The following SIPA1L3 variants were observed in gnomAD, a reference collection of about 807,000 sequenced individuals.
The protein encoded by SIPA1L3 is signal-induced proliferation-associated 1-like protein 3.
SIPA1L3 carries 59 observed loss-of-function variants against 150.1 expected under a neutral mutation model. The observed-to-expected ratio is 0.39, with a 90% CI of 0.32 to 0.49. The LOEUF is 0.49. SIPA1L3 is among the 20% of genes least tolerant of loss of function. SIPA1L3 has a pLI of 0.86. For synonymous variants in SIPA1L3, 1,070 were observed against 1,077.6 expected, an observed-to-expected ratio of 0.99 and a Z score of 0.14; for missense variants, 2,211 against 2,489.5, an observed-to-expected ratio of 0.89 and a Z score of 2.38.
intron 15 of SIPA1L3, among the ~76,000 whole-genome samples, chr19:38,169,126 C>A (rs140455246): frequency 6.6e-6 from 1 of 152,154 alleles, no homozygotes; most frequent in East Asian, 1.9e-4. Context: ...CAGTGGCTCA[C>A]GCCTGTAATC....
chr19:38,123,759 C>T (rs1186723927), intron 9 of SIPA1L3, among the ~76,000 whole-genome samples: 1 of 152,058 alleles, frequency 6.6e-6, no homozygotes, highest in South Asian at 2.1e-4. Context: ...CATCATGGCC[C>T]GTTCTCAATG....
chr19:38,169,746 C>T (rs2145995667), intron 15 of SIPA1L3, among the ~76,000 whole-genome samples: 1 of 152,356 alleles, frequency 6.6e-6, no homozygotes, highest in Non-Finnish European at 1.5e-5. Flanking sequence ...GGGGACACAG[C>T]GGTGACTGGG....
intron 2 of SIPA1L3, among the ~76,000 whole-genome samples, chr19:38,080,006 C>T (rs915872896): frequency 6.6e-6 from 1 of 152,150 alleles, no homozygotes; most frequent in East Asian, 1.9e-4. Flanking sequence ...TGGGGAGAGA[C>T]ATGGAAGCCA....
intron 2 of SIPA1L3, among the ~76,000 whole-genome samples, chr19:38,060,232 T>G (rs1969417565): frequency 6.6e-6 from 1 of 152,208 alleles, no homozygotes; most frequent in Non-Finnish European, 1.5e-5. Flanking sequence ...ACTGTATATG[T>G]TGTTCTGTCT....
At chr19:37,962,632 C>A (rs1352805105) in intron 1 of SIPA1L3, among the ~76,000 whole-genome samples, 2 of 152,052 alleles carry the variant, frequency 1.3e-5, no homozygotes, top group Non-Finnish European at 2.9e-5. Context: ...CCATGCCCAG[C>A]TTTGTGTGTT....
At chr19:37,924,986 T>G (rs2046490009) in intron 1 of SIPA1L3, among the ~76,000 whole-genome samples, 1 of 150,536 alleles carries the variant, frequency 6.6e-6, no homozygotes, top group Non-Finnish European at 1.5e-5. Context: ...GAGGCAGAGG[T>G]TGCAGTGAGC....
At chr19:37,990,233 C>T (rs563475225) in intron 1 of SIPA1L3, among the ~76,000 whole-genome samples, 2 of 152,260 alleles carry the variant, frequency 1.3e-5, no homozygotes, top group South Asian at 4.1e-4. Flanking sequence ...GACCAGATCA[C>T]CAGCTACCTG....
At chr19:38,135,001 T>C (rs1971402980) in intron 10 of SIPA1L3, among the ~76,000 whole-genome samples, 1 of 152,194 alleles carries the variant, frequency 6.6e-6, no homozygotes, top group African/African-American at 2.4e-5. Context: ...ACACCAGGGC[T>C]GGTGTGATCT....
At chr19:38,147,347 G>A (rs190922765) in intron 12 of SIPA1L3, among the ~76,000 whole-genome samples, 2,044 of 152,308 alleles carry the variant, frequency 0.013, 26 homozygotes, top group South Asian at 0.022. Context: ...TTATAGGCAT[G>A]AGCCACCACA....
At chr19:38,203,395 G>C (rs945995022) in intron 20 of SIPA1L3, among the ~76,000 whole-genome samples, 6 of 152,222 alleles carry the variant, frequency 3.9e-5, no homozygotes, top group Non-Finnish European at 7.3e-5. Context: ...CACCGCCTCT[G>C]TGCCTGTGCA....
At chr19:38,069,651 C>A (rs750770614) in intron 2 of SIPA1L3, among the ~76,000 whole-genome samples, 144 of 151,972 alleles carry the variant, frequency 9.5e-4, no homozygotes, top group East Asian at 3.9e-4. Context: ...TGGACAGATA[C>A]CTATATATTT....
At chr19:38,153,000 C>T (rs1176777233) in intron 13 of SIPA1L3, 33 bp downstream of exon 13, 29 of 1,604,634 alleles carry the variant, frequency 1.8e-5, no homozygotes, top group Non-Finnish European at 2.5e-5. Context: ...CGCCCACCCG[C>T]CTGCCTCACT....
chr19:38,004,256 A>G (rs1356506906), intron 1 of SIPA1L3, among the ~76,000 whole-genome samples: 1 of 152,214 alleles, frequency 6.6e-6, no homozygotes, highest in African/African-American at 2.4e-5. Flanking sequence ...TACTGCAGCA[A>G]TTTAGGCAAA....
intron 4 of SIPA1L3, among the ~76,000 whole-genome samples, chr19:38,092,057 C>T (rs1486379758): frequency 7.1e-6 from 1 of 141,220 alleles, no homozygotes; most frequent in Non-Finnish European, 1.5e-5. Flanking sequence ...CAGTGAGACT[C>T]CATCTCAAAA....
chr19:38,188,920 CA>C (rs57796150), intron 16 of SIPA1L3, among the ~76,000 whole-genome samples: 24,049 of 128,140 alleles, frequency 0.19, 2,251 homozygotes, highest in African/African-American at 0.3. Context: ...GACTCCGTCT[CA>C]AAAAAAAAAA....
chr19:37,955,333 G>GT (rs1272707305), intron 1 of SIPA1L3, among the ~76,000 whole-genome samples: 2 of 151,412 alleles, frequency 1.3e-5, no homozygotes, highest in Non-Finnish European at 2.9e-5. Context: ...GGAGGTTGCC[G>GT]TGAGCCAAGA....
At chr19:38,059,900 A>G (rs917248028) in intron 2 of SIPA1L3, among the ~76,000 whole-genome samples, 2 of 151,958 alleles carry the variant, frequency 1.3e-5, no homozygotes, top group Admixed American at 1.3e-4. Flanking sequence ...CTCACCTCCC[A>G]AGTAGCTGGG....
chr19:38,063,675 T>A (rs993917637), intron 2 of SIPA1L3, among the ~76,000 whole-genome samples: 1 of 152,130 alleles, frequency 6.6e-6, no homozygotes, highest in Non-Finnish European at 1.5e-5. Flanking sequence ...GCGTACTAAG[T>A]ATTTAACCAT....
intron 16 of SIPA1L3, among the ~76,000 whole-genome samples, chr19:38,183,817 G>A (rs1972616618): frequency 6.6e-6 from 1 of 152,180 alleles, no homozygotes; most frequent in Admixed American, 6.5e-5. Flanking sequence ...GAGGTGCGGA[G>A]GCGGGGCCAG....
Sources: allele counts gnomAD v4.1 joint callset (sites outside exome capture counted in the v4.1 genomes callset), GRCh38; gene constraint gnomAD v4.1.1; transcripts MANE v1.5; gene names NCBI Gene and HGNC (gene_info 2026-07-23, HGNC 2026-07-21).